EXOC4: variants seen among roughly 807,000 people sequenced by gnomAD.
EXOC4 encodes the protein exocyst complex component 4.
A neutral mutation model predicts 107.2 loss-of-function variants in EXOC4; 71 were observed. The observed-to-expected ratio is 0.66, with a 90% confidence interval of 0.55 to 0.81. EXOC4 has a LOEUF of 0.81. EXOC4 is among the 30% of genes least tolerant of loss of function. EXOC4 has a pLI of 0.00. For missense variants in EXOC4, 1,108 were observed against 1,189.6 expected, an observed-to-expected ratio of 0.93 and a Z score of 1.01; for synonymous variants, 456 against 441.2, an observed-to-expected ratio of 1.03 and a Z score of -0.42.
chr7:133,493,623 T>C (rs1799418412), intron 9 of EXOC4, among the ~76,000 whole-genome samples: 1 of 152,160 alleles, frequency 6.6e-6, no homozygotes, highest in South Asian at 2.1e-4. Context: ...TCTAGTAGTA[T>C]CTCTTAGAAT....
At chr7:133,807,992 C>T (rs1797119199) in intron 10 of EXOC4, among the ~76,000 whole-genome samples, 1 of 152,088 alleles carries the variant, frequency 6.6e-6, no homozygotes, top group South Asian at 2.1e-4. Flanking sequence ...AATATTCTTT[C>T]TCCCTTTATT....
At chr7:133,969,215 C>T (rs1201599783) in intron 14 of EXOC4, among the ~76,000 whole-genome samples, 2 of 150,572 alleles carry the variant, frequency 1.3e-5, no homozygotes, top group Non-Finnish European at 3.0e-5. Context: ...CTTCTCTAAA[C>T]TGGTTATTCT....
chr7:133,399,222 T>C (rs1584885323), intron 7 of EXOC4, among the ~76,000 whole-genome samples: 2 of 152,266 alleles, frequency 1.3e-5, no homozygotes, highest in Non-Finnish European at 2.9e-5. Flanking sequence ...ATTGCTGAGA[T>C]GGCTGCCAAG....
chr7:133,369,800 CTTTTTTTTT>C (rs35258276), intron 6 of EXOC4, among the ~76,000 whole-genome samples: 10 of 86,668 alleles, frequency 1.2e-4, no homozygotes, highest in Non-Finnish European at 1.7e-4. Context: ...ACTAGATTTC[CTTTTTTTTT>C]TTTTTTTTTT....
intron 1 of EXOC4, among the ~76,000 whole-genome samples, chr7:133,258,759 T>C (rs1795074555): frequency 6.6e-6 from 1 of 152,206 alleles, no homozygotes; most frequent in South Asian, 2.1e-4. Flanking sequence ...GATGTTGTCT[T>C]TGTAACCAGG....
intron 11 of EXOC4, among the ~76,000 whole-genome samples, chr7:133,888,293 G>A (rs1291599174): frequency 6.6e-6 from 1 of 152,094 alleles, no homozygotes. Context: ...TAATAAAAAT[G>A]CCTTTGATTT....
intron 12 of EXOC4, among the ~76,000 whole-genome samples, chr7:133,909,709 G>T (rs774723727): frequency 6.6e-6 from 1 of 152,264 alleles, no homozygotes; most frequent in African/African-American, 2.4e-5. Context: ...GTGTTTTCAT[G>T]TGCAGTCAGG....
At chr7:133,693,495 AC>A (rs75396320) in intron 10 of EXOC4, among the ~76,000 whole-genome samples, 2,835 of 152,162 alleles carry the variant, frequency 0.019, 57 homozygotes, top group African/African-American at 0.056. Context: ...TCACAGACAC[AC>A]CCAGGAACAA....
At chr7:133,969,131 T>C (rs2971957) in intron 14 of EXOC4, among the ~76,000 whole-genome samples, 113,314 of 152,034 alleles carry the variant, frequency 0.75, 43,129 homozygotes, top group East Asian at 0.91. Flanking sequence ...TTGATTGATT[T>C]GGCTATTGCT....
intron 10 of EXOC4, among the ~76,000 whole-genome samples, chr7:133,671,434 G>T (rs1409553229): frequency 6.6e-6 from 1 of 152,128 alleles, no homozygotes; most frequent in Non-Finnish European, 1.5e-5. Flanking sequence ...GCGTGTGTTG[G>T]TGGGTGCCTG....
intron 14 of EXOC4, among the ~76,000 whole-genome samples, chr7:133,947,061 G>C (rs1800568509): frequency 6.6e-6 from 1 of 152,184 alleles, no homozygotes; most frequent in Non-Finnish European, 1.5e-5. Flanking sequence ...GCAAGTTAGG[G>C]TATAACCAGG....
intron 10 of EXOC4, among the ~76,000 whole-genome samples, chr7:133,772,609 C>A (rs1328894960): frequency 1.3e-5 from 2 of 151,818 alleles, no homozygotes; most frequent in Admixed American, 1.3e-4. Flanking sequence ...TATCAAACAT[C>A]ATTATAACAT....
intron 10 of EXOC4, among the ~76,000 whole-genome samples, chr7:133,816,107 A>C (rs1055218264): frequency 6.6e-6 from 1 of 152,210 alleles, no homozygotes; most frequent in African/African-American, 2.4e-5. Flanking sequence ...TGATGAACAC[A>C]CATCAGTTAT....
At chr7:133,459,467 A>G (rs542124734) in intron 7 of EXOC4, among the ~76,000 whole-genome samples, 1 of 152,324 alleles carries the variant, frequency 6.6e-6, no homozygotes, top group East Asian at 1.9e-4. Flanking sequence ...TTGGAGAGAA[A>G]TGATCCAGGT....
chr7:133,636,013 G>C (rs1328938235), intron 10 of EXOC4, among the ~76,000 whole-genome samples: 5 of 152,192 alleles, frequency 3.3e-5, no homozygotes, highest in Admixed American at 3.3e-4. Context: ...CTGGAAAGGA[G>C]TTTTGTGCAT....
chr7:134,001,111 C>G (rs1425832459), intron 15 of EXOC4, among the ~76,000 whole-genome samples: 4 of 152,084 alleles, frequency 2.6e-5, no homozygotes, highest in African/African-American at 9.7e-5. Context: ...AATGATACCC[C>G]CAAGAGATGA....
At chr7:133,319,545 A>C (rs143414495) in intron 5 of EXOC4, among the ~76,000 whole-genome samples, 1 of 152,250 alleles carries the variant, frequency 6.6e-6, no homozygotes, top group Non-Finnish European at 1.5e-5. Flanking sequence ...GCTGGAGTGC[A>C]GTGGTGCGAT....
At chr7:133,887,504 G>A (rs966738788) in intron 11 of EXOC4, among the ~76,000 whole-genome samples, 1 of 152,138 alleles carries the variant, frequency 6.6e-6, no homozygotes, top group Non-Finnish European at 1.5e-5. Flanking sequence ...CAGTTACACA[G>A]TATTCGCCCA....
chr7:133,866,143 C>CAT (rs1798636085), intron 11 of EXOC4, among the ~76,000 whole-genome samples: 1 of 152,044 alleles, frequency 6.6e-6, no homozygotes, highest in Non-Finnish European at 1.5e-5. Flanking sequence ...ACATGCTTTT[C>CAT]ATATATATAT....
Sources: gnomAD v4.1 joint callset for allele counts (sites outside exome capture counted in the v4.1 genomes callset) on GRCh38, gnomAD v4.1.1 for gene constraint, MANE v1.5 for transcripts, NCBI Gene and HGNC (gene_info 2026-07-23, HGNC 2026-07-21) for gene names.